PRKCE: variants seen among roughly 807,000 people sequenced by gnomAD.
The protein encoded by PRKCE is protein kinase C epsilon, also known as protein kinase C epsilon type.
PRKCE carries 16 observed loss-of-function variants against 85.4 expected under a neutral mutation model. The ratio of observed to expected loss-of-function variants is 0.19; its 90% CI spans 0.13 to 0.28. The LOEUF is 0.28. Ranked by LOEUF, PRKCE falls within the 10% of genes least tolerant of loss-of-function variation. The pLI is 1.00. For synonymous variants in PRKCE, 388 were observed against 371.5 expected, an observed-to-expected ratio of 1.04 and a Z score of -0.51; for missense variants, 573 against 975.2, an observed-to-expected ratio of 0.59 and a Z score of 5.49.
At chr2:45,975,261 G>C (rs796883287) in intron 2 of PRKCE, among the ~76,000 whole-genome samples, 4 of 152,346 alleles carry the variant, frequency 2.6e-5, no homozygotes, top group African/African-American at 9.6e-5. Flanking sequence ...GCACTTGCCA[G>C]AGCGTAAGCC....
Position 45,821,892 on chromosome 2 carries a change from C to T in PRKCE, c.349-21108C>T, listed in dbSNP as rs151150117. ...AGGAGAGTAAGGGAAGACCTAGGAG[C>T]TGTCAGGCTAGAGGCTGAGGATTGG... On this transcript the variant is annotated intron_variant, in intron 1 of 14. Coordinates refer to ENST00000306156, the MANE Select transcript of PRKCE (RefSeq NM_005400.3). Among the ~76,000 whole-genome samples, 1,016 of 152,252 alleles carry T rather than the reference C, an allele frequency of 6.7e-3. 7 individuals are homozygous for T. Among genetic ancestry groups the T allele is most frequent in the Middle Eastern group, 0.054 (16 of 294 alleles).
chr2:46,022,569 G>T (rs557911855), intron 10 of PRKCE, among the ~76,000 whole-genome samples: 1 of 152,204 alleles, frequency 6.6e-6, no homozygotes, highest in Admixed American at 6.5e-5. Context: ...ATTTTTCAAA[G>T]CTCAATTCAG....
chr2:46,054,046 T>C (rs1319169362), intron 10 of PRKCE, among the ~76,000 whole-genome samples: 1 of 152,202 alleles, frequency 6.6e-6, no homozygotes, highest in Non-Finnish European at 1.5e-5. Flanking sequence ...TCTCTCACAA[T>C]CTCTTAGTGA....
At chr2:45,693,235 A>G (rs1677881100) in intron 1 of PRKCE, among the ~76,000 whole-genome samples, 2 of 152,176 alleles carry the variant, frequency 1.3e-5, no homozygotes, top group South Asian at 2.1e-4. Context: ...TTTAGGCAAG[A>G]TAGGGGGTTC....
intron 4 of PRKCE, 49 bp from the exon 5 acceptor site, chr2:45,980,247 A>T (rs772321871): frequency 2.5e-6 from 4 of 1,569,060 alleles, no homozygotes; most frequent in South Asian, 2.2e-5. Flanking sequence ...TGGGAGGGAC[A>T]CTCCCTTTCC....
intron 1 of PRKCE, among the ~76,000 whole-genome samples, chr2:45,746,865 G>A (rs1010493081): frequency 9.2e-5 from 14 of 152,076 alleles, no homozygotes; most frequent in Non-Finnish European, 2.1e-4. Context: ...ACATGTCATT[G>A]CATTCCTGCC....
chr2:46,174,996 C>G (rs943945628), intron 14 of PRKCE, among the ~76,000 whole-genome samples: 1 of 152,076 alleles, frequency 6.6e-6, no homozygotes, highest in Non-Finnish European at 1.5e-5. Flanking sequence ...CAGCCGAGAT[C>G]TGGTGTTACA....
intron 11 of PRKCE, among the ~76,000 whole-genome samples, chr2:46,108,915 T>C (rs902604949): frequency 6.6e-6 from 1 of 152,096 alleles, no homozygotes. Flanking sequence ...TTTTTTTCAA[T>C]ATTGATGTCC....
chr2:45,934,843 C>A (rs1326377065), intron 2 of PRKCE, among the ~76,000 whole-genome samples: 2 of 143,882 alleles, frequency 1.4e-5, no homozygotes, highest in South Asian at 2.2e-4. Flanking sequence ...TGCTTGAGCC[C>A]AGGAGTCAAG....
intron 2 of PRKCE, among the ~76,000 whole-genome samples, chr2:45,891,128 G>A (rs1695691415): frequency 6.6e-6 from 1 of 152,334 alleles, no homozygotes; most frequent in Non-Finnish European, 1.5e-5. Context: ...AAAGTGGCAT[G>A]TGCTTGAGCA....
At chr2:46,040,792 T>C (rs1030527854) in intron 10 of PRKCE, among the ~76,000 whole-genome samples, 8 of 152,228 alleles carry the variant, frequency 5.3e-5, no homozygotes, top group African/African-American at 1.7e-4. Context: ...CAGGCAGTGC[T>C]AAAGACTTAC....
At chr2:45,953,433 C>T (rs1574006194) in intron 2 of PRKCE, among the ~76,000 whole-genome samples, 1 of 152,192 alleles carries the variant, frequency 6.6e-6, no homozygotes, top group Non-Finnish European at 1.5e-5. Context: ...CTTGCTCTCT[C>T]TCTTCCTCCC....
At chr2:45,889,566 G>T (rs1322480485) in intron 2 of PRKCE, among the ~76,000 whole-genome samples, 2 of 150,932 alleles carry the variant, frequency 1.3e-5, no homozygotes, top group Non-Finnish European at 2.9e-5. Flanking sequence ...CTGGCTGTTG[G>T]TGGGGTGGGG....
intron 2 of PRKCE, among the ~76,000 whole-genome samples, chr2:45,892,718 A>G (rs1442704110): frequency 6.6e-6 from 1 of 152,210 alleles, no homozygotes. Flanking sequence ...GTGTCTGTAT[A>G]AATAAAAGTG....
chr2:45,712,137 C>CTTTT lies in PRKCE; in HGVS notation c.348+59713_348+59716dup, dbSNP rs34233761. On this transcript the variant is annotated intron_variant, in intron 1 of 14. Coordinates refer to ENST00000306156, the MANE Select transcript of PRKCE (RefSeq NM_005400.3). ...ACCTCTTGCCACTCTACGGCCTGTC[C>CTTTT]TTTTTTTTTTTTTTTTTTTTTTTTT... Among the ~76,000 whole-genome samples, 49 of 45,840 alleles carry CTTTT rather than the reference C, an allele frequency of 1.1e-3. 12 individuals are homozygous for CTTTT. Among genetic ancestry groups the CTTTT allele is most frequent in the Non-Finnish European group, 1.2e-3 (33 of 27,114 alleles). The allele number at this position is 45,840 out of a possible 152,430, so 30.1% of individuals were successfully genotyped here.
intron 10 of PRKCE, among the ~76,000 whole-genome samples, chr2:46,045,361 A>T (rs1708458356): frequency 6.6e-6 from 1 of 152,216 alleles, no homozygotes; most frequent in Admixed American, 6.5e-5. Flanking sequence ...GGGCTGTTAA[A>T]GCAATTTTGA....
At position 45,908,837 on chromosome 2, in the gene PRKCE, A is replaced by G. The variant is rs186231884; in HGVS notation, c.412+65774A>G. On this transcript the variant is annotated intron_variant, in intron 2 of 14. Transcript: ENST00000306156. ...ATTATCCTCCAGGGTGGGCAAAACCACAGAGATGGGGGCAGACAGGCTGTA... is the reference window on the plus strand; with the variant it reads ...ATTATCCTCCAGGGTGGGCAAAACCGCAGAGATGGGGGCAGACAGGCTGTA... Among the ~76,000 whole-genome samples the G allele has an allele frequency of 5.3e-5, 8 of 152,276 alleles. No homozygotes were observed. The East Asian group carries it at 1.5e-3, about 29-fold the overall frequency.
chr2:45,698,115 A>T (rs565819668), intron 1 of PRKCE: 1 of 152,770 alleles, frequency 6.5e-6, no homozygotes, highest in South Asian at 2.1e-4. Context: ...ATTGGGTGCC[A>T]CATGCGAATG....
At chr2:45,722,827 G>A (rs972635579) in intron 1 of PRKCE, among the ~76,000 whole-genome samples, 2 of 152,202 alleles carry the variant, frequency 1.3e-5, no homozygotes, top group East Asian at 1.9e-4. Context: ...AGGGCTGGGC[G>A]TGGTGGCTCA....
Sources: allele counts gnomAD v4.1 joint callset (sites outside exome capture counted in the v4.1 genomes callset), GRCh38; gene constraint gnomAD v4.1.1; transcripts MANE v1.5; gene names NCBI Gene and HGNC (gene_info 2026-07-23, HGNC 2026-07-21).